AP3B1: variants seen among roughly 807,000 people sequenced by gnomAD.
The protein encoded by AP3B1 is AP-3 complex subunit beta-1.
A neutral mutation model predicts 132.5 loss-of-function variants in AP3B1; 61 were observed. The ratio of observed to expected loss-of-function variants is 0.46; its 90% confidence interval spans 0.37 to 0.57. The LOEUF is 0.57. Ranked by LOEUF, AP3B1 falls within the 20% of genes least tolerant of loss-of-function variation. AP3B1 has a pLI of 0.00. For missense variants in AP3B1, 1,120 were observed against 1,289.4 expected (o/e 0.87, Z 2.01); for synonymous variants, 388 against 438.3 (o/e 0.89, Z 1.43).
chr5:78,096,292 C>T (rs970698177), intron 21 of AP3B1, among the ~76,000 whole-genome samples: 1 of 152,210 alleles, frequency 6.6e-6, no homozygotes, highest in Non-Finnish European at 1.5e-5. Flanking sequence ...GGATTGCAGA[C>T]AGTGTCTGGT....
intron 16 of AP3B1, 114 bp downstream of exon 16, chr5:78,129,003 TTATA>T: frequency 1.2e-6 from 1 of 857,680 alleles, no homozygotes; most frequent in Non-Finnish European, 1.8e-6. Context: ...TCTTATATAT[TTATA>T]TATGCGAATC....
intron 26 of AP3B1, among the ~76,000 whole-genome samples, chr5:78,011,605 T>C (rs979465027): frequency 6.6e-5 from 10 of 152,338 alleles, no homozygotes; most frequent in African/African-American, 2.4e-4. Flanking sequence ...GCGCCTTTAA[T>C]TGGCTTTTCT....
chr5:78,168,798 T>G (rs529302318), intron 11 of AP3B1, among the ~76,000 whole-genome samples: 14 of 152,312 alleles, frequency 9.2e-5, no homozygotes, highest in Admixed American at 8.5e-4. Context: ...TGATGTATAA[T>G]AAAAGGATCC....
intron 22 of AP3B1, among the ~76,000 whole-genome samples, chr5:78,078,624 C>G (rs1749859765): frequency 6.6e-6 from 1 of 152,142 alleles, no homozygotes; most frequent in Non-Finnish European, 1.5e-5. Context: ...TCTCCAAGAC[C>G]CAACACAAAT....
At chr5:78,042,247 T>TA in intron 22 of AP3B1, 1 of 150,220 alleles carries the variant, frequency 6.7e-6, no homozygotes, top group African/African-American at 2.5e-5. Context: ...AAATTTTATT[T>TA]ATTTTTTTTT....
rs1743591796 is a variant in AP3B1 at position 78,165,789 on chromosome 5, C to T, written c.1168-117G>A. ...CTACTTTTAAAAATCACATTGTCAGCCGGGCACAGTGGCTCATGCCTGTAA... is the reference window on the plus strand; with the variant it reads ...CTACTTTTAAAAATCACATTGTCAGTCGGGCACAGTGGCTCATGCCTGTAA... On this transcript the variant is annotated intron_variant, in intron 11 of 26. Coordinates refer to ENST00000255194, the MANE Select transcript of AP3B1 (RefSeq NM_003664.5). 7.3e-6 allele frequency: 6 copies of T among 817,000 alleles called. No homozygotes were observed. The East Asian group carries it at 1.4e-4, about 19-fold the overall frequency. 50.6% of individuals were successfully genotyped at this position (817,000 alleles called of 1,614,324 possible).
At chr5:78,254,611 C>T (rs1747779517) in intron 2 of AP3B1, among the ~76,000 whole-genome samples, 1 of 152,098 alleles carries the variant, frequency 6.6e-6, no homozygotes, top group South Asian at 2.1e-4. Context: ...GTGAAAATAT[C>T]CTTCAAACAT....
intron 22 of AP3B1, among the ~76,000 whole-genome samples, chr5:78,071,153 C>T (rs1217356392): frequency 1.3e-5 from 2 of 152,184 alleles, no homozygotes; most frequent in Non-Finnish European, 2.9e-5. Flanking sequence ...GACATGGAAT[C>T]AACCCAAATG....
chr5:78,215,992 A>C (rs1745944004), intron 7 of AP3B1, 63 bp downstream of exon 7: 2 of 1,565,736 alleles, frequency 1.3e-6, no homozygotes, highest in Non-Finnish European at 1.8e-6. Context: ...TTTTTGCCCA[A>C]GTTTTAAAAA....
At chr5:78,260,141 C>T (rs1234096468) in intron 2 of AP3B1, among the ~76,000 whole-genome samples, 2 of 151,966 alleles carry the variant, frequency 1.3e-5, no homozygotes, top group Non-Finnish European at 2.9e-5. Flanking sequence ...GAAAACATTG[C>T]AACCCAACAA....
intron 2 of AP3B1, among the ~76,000 whole-genome samples, chr5:78,262,990 T>C (rs770945732): frequency 6.6e-6 from 1 of 151,248 alleles, no homozygotes; most frequent in African/African-American, 2.4e-5. Flanking sequence ...TTTTTCAAGG[T>C]TGTTTTGGCT....
At chr5:78,032,727 A>C (rs1747634720) in intron 24 of AP3B1, among the ~76,000 whole-genome samples, 1 of 152,018 alleles carries the variant, frequency 6.6e-6, no homozygotes, top group African/African-American at 2.4e-5. Flanking sequence ...GTTGTGCTTA[A>C]CAAAATCTAA....
At chr5:78,091,880 T>C (rs1750532002) in intron 21 of AP3B1, among the ~76,000 whole-genome samples, 1 of 151,808 alleles carries the variant, frequency 6.6e-6, no homozygotes, top group South Asian at 2.1e-4. Context: ...AGGAATGAAG[T>C]GAAAAAGACT....
intron 13 of AP3B1, among the ~76,000 whole-genome samples, chr5:78,161,146 TA>T (rs763704518): frequency 3.0e-4 from 45 of 152,126 alleles, no homozygotes; most frequent in Non-Finnish European, 4.9e-4. Context: ...TAAAACAATC[TA>T]GTCTTCCCTT....
chr5:78,061,302 GTTTCC>G (rs1749045763), intron 22 of AP3B1, among the ~76,000 whole-genome samples: 2 of 152,150 alleles, frequency 1.3e-5, no homozygotes, highest in South Asian at 4.1e-4. Context: ...ATTTCTGATA[GTTTCC>G]TTTCAACTGT....
chr5:78,110,413 T>G, intron 19 of AP3B1, 59 bp from the exon 20 acceptor site: 1 of 1,364,302 alleles, frequency 7.3e-7, no homozygotes. Flanking sequence ...AAGCAGTTTA[T>G]AAAAAAATTG....
chr5:78,147,404 TG>T (rs1753452362), intron 14 of AP3B1, among the ~76,000 whole-genome samples: 1 of 152,206 alleles, frequency 6.6e-6, no homozygotes, highest in Admixed American at 6.5e-5. Context: ...AGCTAGTTTT[TG>T]TTTTTATTCC....
chr5:78,167,426 G>A (rs1315077690), intron 11 of AP3B1, among the ~76,000 whole-genome samples: 78 of 152,186 alleles, frequency 5.1e-4, no homozygotes, highest in Non-Finnish European at 8.8e-5. Context: ...AGAAAACAGT[G>A]TGGAGATTCC....
chr5:78,250,206 G>A (rs953310523), intron 2 of AP3B1, among the ~76,000 whole-genome samples: 2 of 152,042 alleles, frequency 1.3e-5, no homozygotes, highest in African/African-American at 2.4e-5. Context: ...CTTCAGGGAA[G>A]TACCCTGAGG....
Sources: gnomAD v4.1 joint callset for allele counts (sites outside exome capture counted in the v4.1 genomes callset) on GRCh38, gnomAD v4.1.1 for gene constraint, MANE v1.5 for transcripts, NCBI Gene and HGNC (gene_info 2026-07-23, HGNC 2026-07-21) for gene names.